TAMM41: variants seen among roughly 807,000 people sequenced by gnomAD.
TAMM41 encodes the protein TAM41 mitochondrial translocator assembly and maintenance homolog, also known as phosphatidate cytidylyltransferase, mitochondrial.
Under a neutral mutation model 44.1 loss-of-function variants are expected in TAMM41, and 36 were observed. The ratio of observed to expected loss-of-function variants is 0.82; its 90% CI spans 0.63 to 1.08. The LOEUF (loss-of-function observed/expected upper bound fraction) is 1.08. Ranked by LOEUF, TAMM41 falls within the 50% of genes least tolerant of loss-of-function variation. The pLI, the probability that TAMM41 is intolerant of heterozygous loss-of-function variation, is 0.00. For synonymous variants in TAMM41, 164 were observed against 153.1 expected, an observed-to-expected ratio of 1.07 and a Z score of -0.53; for missense variants, 417 against 404.3, an observed-to-expected ratio of 1.03 and a Z score of -0.27.
chr3:11,788,073 C>T (rs967670607), downstream of TAMM41, among the ~76,000 whole-genome samples: 1 of 152,192 alleles, frequency 6.6e-6, no homozygotes, highest in African/African-American at 2.4e-5. Context: ...AGGGTTCAAG[C>T]CCCAGCAATG....
the TAMM41 span, among the ~76,000 whole-genome samples, chr3:11,765,697 G>A: frequency 7.3e-6 from 1 of 136,444 alleles, no homozygotes; most frequent in African/African-American, 2.7e-5. Context: ...ACCTTCTGGA[G>A]TCAAAATTTT....
At chr3:11,766,323 C>T in the TAMM41 span, among the ~76,000 whole-genome samples, 2 of 151,964 alleles carry the variant, frequency 1.3e-5, no homozygotes, top group Non-Finnish European at 2.9e-5. Flanking sequence ...CACCACCATG[C>T]TCGGTGAATT....
chr3:11,829,771 G>A lies in TAMM41; in HGVS notation c.505C>T (p.Pro169Ser), dbSNP rs1434533493. Residue 169 changes from proline to serine, a missense_variant, in exon 4 of 8, where the codon CCC becomes TCC. Coordinates refer to ENST00000455809, the MANE Select transcript of TAMM41 (RefSeq NM_001284401.2). ...AGGTCTTCTTCAGAAAAGCTTTCGGGGAGCATGAGGAAAGCAGCGGTCACA... is the reference window on the plus strand; with the variant it reads ...AGGTCTTCTTCAGAAAAGCTTTCGGAGAGCATGAGGAAAGCAGCGGTCACA... ...SAVTAAFLML[P>S]ESFSEEDLFI... The A allele has an allele frequency of 1.1e-5, 18 of 1,614,018 alleles. No homozygotes were observed. The African/African-American group carries it at 1.3e-4, about 12-fold the overall frequency.
chr3:11,796,309 A>T (rs2077605191), intron 7 of TAMM41, among the ~76,000 whole-genome samples: 1 of 152,206 alleles, frequency 6.6e-6, no homozygotes, highest in African/African-American at 2.4e-5. Context: ...GGACGCTCTC[A>T]TGTAAGCCTC....
chr3:11,753,489 C>T, the TAMM41 span, among the ~76,000 whole-genome samples: 1 of 151,772 alleles, frequency 6.6e-6, no homozygotes, highest in South Asian at 2.1e-4. Flanking sequence ...CTTTGGGAGG[C>T]CGAGGCATGT....
chr3:11,746,251 C>T, the TAMM41 span, among the ~76,000 whole-genome samples: 1 of 150,270 alleles, frequency 6.7e-6, no homozygotes, highest in African/African-American at 2.4e-5. Flanking sequence ...TTGCAGTGAG[C>T]CGAGATCGCA....
chr3:11,846,463 G>C (rs771621718), intron 1 of TAMM41, 39 bp downstream of exon 1: 3 of 1,613,214 alleles, frequency 1.9e-6, no homozygotes, highest in South Asian at 2.2e-5. Flanking sequence ...GGACTCGTGA[G>C]AACAGACAGT....
At chr3:11,752,625 CTTTTTTTTTTTTTTTT>C in the TAMM41 span, among the ~76,000 whole-genome samples, 252 of 39,986 alleles carry the variant, frequency 6.3e-3, 4 homozygotes, top group Middle Eastern at 0.029. Context: ...TCTTACAAAG[CTTTTTTTTTTTTTTTT>C]TTTTTTTTTT....
At chr3:11,816,935 A>G (rs2078302775) in intron 5 of TAMM41, 1 of 405,314 alleles carries the variant, frequency 2.5e-6, no homozygotes, top group Non-Finnish European at 4.4e-6. Flanking sequence ...TTCCAATGGC[A>G]AAAAAGATAT....
At chr3:11,846,143 C>A (rs2079675304) in intron 1 of TAMM41, among the ~76,000 whole-genome samples, 1 of 152,244 alleles carries the variant, frequency 6.6e-6, no homozygotes, top group Admixed American at 6.5e-5. Flanking sequence ...CGGCGGAAGC[C>A]GAGCATTAGG....
the TAMM41 span, among the ~76,000 whole-genome samples, chr3:11,731,329 G>T: frequency 6.6e-6 from 1 of 151,942 alleles, no homozygotes; most frequent in Non-Finnish European, 1.5e-5. Flanking sequence ...GGACATAGAA[G>T]CGTTAAGAAC....
intron 4 of TAMM41, among the ~76,000 whole-genome samples, chr3:11,826,324 A>T (rs1432185859): frequency 6.6e-6 from 1 of 152,156 alleles, no homozygotes; most frequent in Non-Finnish European, 1.5e-5. Flanking sequence ...GTTTGAGCTC[A>T]GGAATTCGAG....
chr3:11,837,826 C>T (rs536791291), intron 3 of TAMM41, among the ~76,000 whole-genome samples: 1 of 152,282 alleles, frequency 6.6e-6, no homozygotes, highest in East Asian at 1.9e-4. Context: ...GCCACCCTTC[C>T]CCCAAATGGG....
the TAMM41 span, among the ~76,000 whole-genome samples, chr3:11,762,345 AC>A: frequency 2.0e-5 from 3 of 151,862 alleles, no homozygotes; most frequent in African/African-American, 7.3e-5. Context: ...TGGAATTATA[AC>A]TGTCTACGTT....
At chr3:11,838,316 G>A (rs892229827) in intron 3 of TAMM41, among the ~76,000 whole-genome samples, 6 of 152,104 alleles carry the variant, frequency 3.9e-5, no homozygotes, top group African/African-American at 7.2e-5. Flanking sequence ...CCAGATTCAC[G>A]CGATTCTCCT....
the TAMM41 span, among the ~76,000 whole-genome samples, chr3:11,731,331 G>A: frequency 1.8e-4 from 28 of 152,050 alleles, no homozygotes; most frequent in South Asian, 1.0e-3. Flanking sequence ...ACATAGAAGC[G>A]TTAAGAACTC....
intron 4 of TAMM41, among the ~76,000 whole-genome samples, chr3:11,822,227 T>C (rs2078552822): frequency 6.6e-6 from 1 of 152,220 alleles, no homozygotes; most frequent in African/African-American, 2.4e-5. Flanking sequence ...GTTTTTTATG[T>C]GGTAGTGTTT....
the TAMM41 span, among the ~76,000 whole-genome samples, chr3:11,779,215 G>A: frequency 6.6e-6 from 1 of 152,162 alleles, no homozygotes; most frequent in Non-Finnish European, 1.5e-5. Flanking sequence ...ATGAGTGGGG[G>A]CAGCGTGAGG....
At chr3:11,819,023 A>G (rs930394894) in intron 4 of TAMM41, among the ~76,000 whole-genome samples, 13 of 152,266 alleles carry the variant, frequency 8.5e-5, no homozygotes, top group Admixed American at 6.5e-4. Flanking sequence ...AATATGGATG[A>G]ACTTGTTTTT....
Sources: allele counts gnomAD v4.1 joint callset (sites outside exome capture counted in the v4.1 genomes callset), GRCh38; gene constraint gnomAD v4.1.1; transcripts MANE v1.5; gene names NCBI Gene and HGNC (gene_info 2026-07-23, HGNC 2026-07-21).